Variants in PPEF1 observed in about 807,000 individuals in gnomAD.
PPEF1 encodes the protein serine/threonine-protein phosphatase with EF-hands 1.
PPEF1 carries 12 observed loss-of-function variants against 53.3 expected under a neutral mutation model. The ratio of observed to expected loss-of-function variants is 0.23; its 90% CI spans 0.14 to 0.36. The LOEUF (loss-of-function observed/expected upper bound fraction) is 0.36, where lower values mean the gene tolerates loss of function less well. Among genes scored for constraint, PPEF1 ranks in the 10% least tolerant of loss-of-function variants. The pLI is 1.00. For synonymous variants in PPEF1, 165 were observed against 176.7 expected (o/e 0.93, Z 0.52); for missense variants, 334 against 490.4 (o/e 0.68, Z 3.01).
intron 3 of PPEF1, among the ~76,000 whole-genome samples, chrX:18,743,568 G>T (rs144453938): frequency 0.013 from 1,399 of 103,912 alleles, 56 homozygotes; most frequent in Admixed American, 0.12. Flanking sequence ...TCCTGCCTCA[G>T]CTTCCTGAGT....
intron 10 of PPEF1, among the ~76,000 whole-genome samples, chrX:18,795,760 C>T (rs2046418918): frequency 8.9e-6 from 1 of 111,897 alleles, no homozygotes; most frequent in South Asian, 3.7e-4. Context: ...AACCTGATGA[C>T]GTAGATAATA....
intron 1 of PPEF1, among the ~76,000 whole-genome samples, chrX:18,715,938 T>G (rs2044442964): frequency 1.8e-5 from 2 of 112,532 alleles, no homozygotes; most frequent in Non-Finnish European, 3.7e-5. Flanking sequence ...ATCTATTGCC[T>G]TTTTGTTCCC....
At chrX:18,789,702 T>A (rs1358442318) in intron 10 of PPEF1, among the ~76,000 whole-genome samples, 1 of 112,674 alleles carries the variant, frequency 8.9e-6, no homozygotes, top group Non-Finnish European at 1.9e-5. Context: ...ATGTGATGTT[T>A]TGTGTCTGGC....
intron 9 of PPEF1, among the ~76,000 whole-genome samples, chrX:18,787,276 T>A (rs1397571440): frequency 9.0e-6 from 1 of 111,011 alleles, no homozygotes; most frequent in Non-Finnish European, 1.9e-5. Flanking sequence ...GCGGTCGTAA[T>A]GGTATCATTG....
intron 1 of PPEF1, among the ~76,000 whole-genome samples, chrX:18,725,271 AC>A (rs1347899493): frequency 9.0e-6 from 1 of 111,159 alleles, no homozygotes; most frequent in Non-Finnish European, 1.9e-5. Context: ...GGAAGTTACC[AC>A]CCTAGAGTTG....
intron 12 of PPEF1, among the ~76,000 whole-genome samples, chrX:18,813,787 A>G (rs919633286): frequency 3.6e-5 from 4 of 111,877 alleles, no homozygotes; most frequent in Non-Finnish European, 7.5e-5. Flanking sequence ...ATTTCATCAG[A>G]TAAATTTTTT....
rs1028073348 is a variant in PPEF1, at chrX:18,776,271, T to C, written c.559-2739T>C. Among the ~76,000 whole-genome samples, 9 of 111,196 alleles carry C rather than the reference T, an allele frequency of 8.1e-5. No homozygotes were observed. The Admixed American group carries it at 8.6e-4, about 11-fold the overall frequency. On this transcript the variant is annotated intron_variant, in intron 6 of 15. Coordinates refer to ENST00000470157, the MANE Select transcript of PPEF1 (RefSeq NM_001377996.1). The stretch of plus-strand genomic sequence containing the variant: ...TTGTTTTAGACAGGGTCTCACTGTG[T>C]CACCCAGGCTGGAATACAGCAGTGT...
chrX:18,718,796 C>T (rs1419050252), intron 1 of PPEF1, among the ~76,000 whole-genome samples: 2 of 112,023 alleles, frequency 1.8e-5, no homozygotes, highest in Non-Finnish European at 3.8e-5. Context: ...AGGACAATCC[C>T]TCAGCCCCAA....
intron 1 of PPEF1, among the ~76,000 whole-genome samples, chrX:18,709,402 C>G (rs2044271277): frequency 1.8e-5 from 2 of 111,770 alleles, no homozygotes; most frequent in Admixed American, 1.9e-4. Context: ...TACTATATTC[C>G]TTTTTATTGT....
Position 18,806,562 on chromosome X carries a change from G to T in PPEF1, c.1394+17G>T. 1 of 1,182,190 alleles carries T rather than the reference G, an allele frequency of 8.5e-7. No individual in the cohort carries two copies. Among genetic ancestry groups the T allele is most frequent in the East Asian group, 3.0e-5 (1 of 33,480 alleles). ...TCGCCAAAGGTGTGTATACTATACC[G>T]AGAGTGCTGAGCACTGGTATCACGG... On this transcript the variant is annotated intron_variant, in intron 12 of 15. Coordinates refer to ENST00000470157, the MANE Select transcript of PPEF1 (RefSeq NM_001377996.1).
chrX:18,791,941 T>A (rs2046332257), intron 10 of PPEF1, among the ~76,000 whole-genome samples: 1 of 112,500 alleles, frequency 8.9e-6, no homozygotes, highest in Non-Finnish European at 1.9e-5. Flanking sequence ...TGAAATGATG[T>A]GTTCTTTCCC....
chrX:18,747,780 A>G (rs1163581827), intron 3 of PPEF1, among the ~76,000 whole-genome samples: 1 of 112,519 alleles, frequency 8.9e-6, no homozygotes, highest in Admixed American at 9.5e-5. Flanking sequence ...CATGCGTTCC[A>G]TATTCACTTT....
At position 18,789,177 on chromosome X, in the gene PPEF1, G is replaced by A. The variant is rs775157374; in HGVS notation, c.969G>A (p.Ser323=). ...TETNRDHDTD[S]KHNKVGVTFN... is the part of the protein sequence containing the mutation. ...CAAACAGAGACCATGACACTGACTC[G>A]AAGCACAATAAAGTAGGTGTGACTT... Residue 323 remains serine (S), a synonymous_variant, in exon 10 of 16, where the codon TCG becomes TCA. Transcript: ENST00000470157. The A allele has an allele frequency of 5.8e-6, 7 of 1,209,554 alleles. No individual in the cohort carries two copies. The highest frequency in any genetic ancestry group is 3.5e-5 in the African/African-American group (2 of 57,359).
upstream of PPEF1, among the ~76,000 whole-genome samples, chrX:18,703,683 A>G (rs957184374): frequency 9.9e-5 from 11 of 111,633 alleles, no homozygotes; most frequent in African/African-American, 3.6e-4. Flanking sequence ...AATATACTCA[A>G]GTTTGATGCT....
chrX:18,824,815 C>A (rs781186468), intron 14 of PPEF1, among the ~76,000 whole-genome samples: 1 of 110,077 alleles, frequency 9.1e-6, no homozygotes, highest in African/African-American at 3.3e-5. Flanking sequence ...AGGCGCCTGC[C>A]ACCATACCCA....
intron 4 of PPEF1, among the ~76,000 whole-genome samples, chrX:18,753,918 T>C (rs1180106210): frequency 9.0e-6 from 1 of 110,988 alleles, no homozygotes; most frequent in Non-Finnish European, 1.9e-5. Context: ...CAATGTATAG[T>C]CTGCTTTTGT....
At chrX:18,799,651 G>A (rs768621299) in intron 10 of PPEF1, among the ~76,000 whole-genome samples, 1 of 111,634 alleles carries the variant, frequency 9.0e-6, no homozygotes, top group South Asian at 3.8e-4. Context: ...TTAGATTGAG[G>A]AGATTTAAAA....
At chrX:18,748,605 T>C (rs1379768601) in intron 3 of PPEF1, among the ~76,000 whole-genome samples, 1 of 112,510 alleles carries the variant, frequency 8.9e-6, no homozygotes, top group African/African-American at 3.2e-5. Flanking sequence ...ACACTTCTGC[T>C]GATCTTGGCA....
At position 18,825,447 on chromosome X, in the gene PPEF1, A is replaced by G. The variant is rs755139844; in HGVS notation, c.1666-304A>G. Among the ~76,000 whole-genome samples the G allele has an allele frequency of 2.0e-4, 22 of 112,197 alleles. No individual in the cohort carries two copies. The East Asian group carries it at 5.6e-3, about 28-fold the overall frequency. ...CTGTTTTCAAATTTGTAAAATGGAC[A>G]TAATAATAGTTCTGTTCTTGTTCAT... On this transcript the variant is annotated intron_variant, in intron 14 of 15. Transcript: ENST00000470157.
Sources: gnomAD v4.1 joint callset for allele counts (sites outside exome capture counted in the v4.1 genomes callset) on GRCh38, gnomAD v4.1.1 for gene constraint, MANE v1.5 for transcripts, NCBI Gene and HGNC (gene_info 2026-07-23, HGNC 2026-07-21) for gene names.